The following TNFSF13B variants were observed in gnomAD, a reference collection of about 807,000 sequenced individuals.
The protein encoded by TNFSF13B is TNF superfamily member 13b, also known as tumor necrosis factor ligand superfamily member 13B.
TNFSF13B carries 8 observed loss-of-function variants against 29.1 expected under a neutral mutation model. The observed-to-expected ratio is 0.27, with a 90% CI of 0.16 to 0.50. The LOEUF (loss-of-function observed/expected upper bound fraction) is 0.50, where lower values mean the gene tolerates loss of function less well. Among genes scored for constraint, TNFSF13B ranks in the 20% least tolerant of loss-of-function variants. The probability of loss-of-function intolerance (pLI) is 0.98; values close to 1 mark genes in which losing one functional copy is unlikely to be tolerated. For synonymous variants in TNFSF13B, 125 were observed against 130.8 expected, an observed-to-expected ratio of 0.96 and a Z score of 0.30; for missense variants, 248 against 334.9, an observed-to-expected ratio of 0.74 and a Z score of 2.03.
At chr13:108,286,063 T>C (rs930306984) in intron 2 of TNFSF13B, among the ~76,000 whole-genome samples, 2 of 152,254 alleles carry the variant, frequency 1.3e-5, no homozygotes, top group Admixed American at 6.5e-5. Context: ...ACTAACTATA[T>C]GCACTTGCAT....
intron 3 of TNFSF13B, among the ~76,000 whole-genome samples, chr13:108,295,047 A>G (rs1200187187): frequency 1.4e-5 from 2 of 145,882 alleles, no homozygotes; most frequent in Non-Finnish European, 3.0e-5. Flanking sequence ...ATGGGCCATT[A>G]ATAATACCTC....
intron 2 of TNFSF13B, among the ~76,000 whole-genome samples, chr13:108,278,047 C>T (rs964318861): frequency 5.3e-5 from 8 of 152,110 alleles, no homozygotes; most frequent in South Asian, 2.1e-4. Flanking sequence ...ATTTAAAATG[C>T]TTCAAAATTA....
At chr13:108,286,457 C>T (rs1175690588) in intron 2 of TNFSF13B, among the ~76,000 whole-genome samples, 1 of 151,738 alleles carries the variant, frequency 6.6e-6, no homozygotes, top group Non-Finnish European at 1.5e-5. Context: ...TTAGAATGTT[C>T]TTATAAGGTT....
chr13:108,280,250 T>C (rs1283509089), intron 2 of TNFSF13B, among the ~76,000 whole-genome samples: 5 of 152,140 alleles, frequency 3.3e-5, no homozygotes, highest in African/African-American at 7.2e-5. Context: ...AAATCAGGAA[T>C]GTTTATAAAG....
At chr13:108,295,554 CTTTA>C (rs2139063204) in intron 3 of TNFSF13B, among the ~76,000 whole-genome samples, 1 of 144,602 alleles carries the variant, frequency 6.9e-6, no homozygotes, top group Admixed American at 6.8e-5. Context: ...ATTATCTGAT[CTTTA>C]TTATTTTCTT....
intron 2 of TNFSF13B, among the ~76,000 whole-genome samples, chr13:108,271,769 C>T (rs1880624110): frequency 6.6e-6 from 1 of 151,836 alleles, no homozygotes; most frequent in African/African-American, 2.4e-5. Flanking sequence ...TTTGTTTTGA[C>T]TTATACAATA....
At chr13:108,291,238 C>T (rs1035876357) in intron 3 of TNFSF13B, among the ~76,000 whole-genome samples, 1 of 151,162 alleles carries the variant, frequency 6.6e-6, no homozygotes, top group Non-Finnish European at 1.5e-5. Flanking sequence ...AATATAGGAA[C>T]TGTAGAATCA....
At chr13:108,303,115 C>CG (rs755304133) in intron 3 of TNFSF13B, 138 bp from the exon 4 acceptor site, 88 of 684,324 alleles carry the variant, frequency 1.3e-4, no homozygotes, top group Admixed American at 4.9e-4. Context: ...ATTCCTTTTT[C>CG]CTTTTTTTTC....
chr13:108,276,133 GC>G (rs1245628415), intron 2 of TNFSF13B, among the ~76,000 whole-genome samples: 1 of 152,142 alleles, frequency 6.6e-6, no homozygotes, highest in Non-Finnish European at 1.5e-5. Flanking sequence ...TGAGTTCCAG[GC>G]TGTAACATGA....
chr13:108,307,267 A>G lies in TNFSF13B; in HGVS notation c.*329A>G. 1 of 193,702 alleles carries G rather than the reference A, an allele frequency of 5.2e-6. No individual in the cohort carries two copies. Among genetic ancestry groups the G allele is most frequent in the Non-Finnish European group, 1.0e-5 (1 of 95,970 alleles). The allele number at this position is 193,702 out of a possible 1,614,324, so 12.0% of individuals were successfully genotyped here. A position where few individuals can be genotyped will look rare whatever the true frequency, so the allele number is the denominator to read the frequency against. ...ATCTTGGAGGAAGGACACAATTCAA[A>G]GGGGCAGTAAGGATTTTGTAAAACG... On this transcript the variant is annotated 3_prime_UTR_variant, in exon 6 of 6. Transcript: ENST00000375887.
intron 2 of TNFSF13B, among the ~76,000 whole-genome samples, chr13:108,285,243 C>T (rs965357811): frequency 6.6e-6 from 1 of 152,078 alleles, no homozygotes; most frequent in Admixed American, 6.5e-5. Flanking sequence ...CTTATGTGAC[C>T]ACACCCTTTA....
At chr13:108,300,010 G>A (rs148491565) in intron 3 of TNFSF13B, among the ~76,000 whole-genome samples, 2,046 of 152,124 alleles carry the variant, frequency 0.013, 50 homozygotes, top group African/African-American at 0.045. Flanking sequence ...TAAATTTAAT[G>A]TAAAAAATCT....
chr13:108,278,416 CAG>C (rs1880816782), intron 2 of TNFSF13B, among the ~76,000 whole-genome samples: 1 of 151,918 alleles, frequency 6.6e-6, no homozygotes, highest in South Asian at 2.1e-4. Flanking sequence ...AAATAGGAAA[CAG>C]AAATAATTCA....
intron 5 of TNFSF13B, among the ~76,000 whole-genome samples, chr13:108,304,237 T>C (rs896449964): frequency 3.3e-5 from 5 of 152,048 alleles, no homozygotes; most frequent in African/African-American, 1.2e-4. Context: ...AATGGCTTCT[T>C]TCTAAATACA....
In TNFSF13B at chr13:108,270,133, C is replaced by A. The variant is rs1476283117; in HGVS notation, c.238C>A (p.Arg80=). ...CCTGCAAGGGGACCTGGCCAGCCTC[C>A]GGGCAGAGCTGCAGGGCCACCACGC... ...AALQGDLASL[R]AELQGHHAEK... Residue 80 remains arginine (R), a synonymous_variant, in exon 1 of 6, where the codon CGG becomes AGG. Transcript: ENST00000375887. The A allele has an allele frequency of 6.2e-7, 1 of 1,602,238 alleles. No homozygotes were observed. Among genetic ancestry groups the A allele is most frequent in the Non-Finnish European group, 8.5e-7 (1 of 1,179,924 alleles).
In TNFSF13B at chr13:108,298,976, CAAACAAACAAACAAA is replaced by C. The variant is rs981003045; in HGVS notation, c.482-4261_482-4247del. Among the ~76,000 whole-genome samples the C allele has an allele frequency of 7.7e-5, 10 of 129,640 alleles. 2 individuals are homozygous for C. Among genetic ancestry groups the C allele is most frequent in the South Asian group, 2.6e-4 (1 of 3,866 alleles). 85.0% of individuals were successfully genotyped at this position (129,640 alleles called of 152,430 possible). ...CAGAGCAAGACTTGGGAAAAACAAA[CAAACAAACAAACAAA>C]AAACAAACAAACAAACAAAACATTG... is the stretch of plus-strand genomic sequence containing the variant. On this transcript the variant is annotated intron_variant, in intron 3 of 5. Coordinates refer to ENST00000375887, the MANE Select transcript of TNFSF13B (RefSeq NM_006573.5).
rs532460746 is a variant in TNFSF13B at position 108,296,897 on chromosome 13, A to G, written c.482-6356A>G. ...TGTTATTGTCACAAAATATACGCTTATACATTGTAAGCCCTTAACATAAAT... is the reference window on the plus strand; with the variant it reads ...TGTTATTGTCACAAAATATACGCTTGTACATTGTAAGCCCTTAACATAAAT... On this transcript the variant is annotated intron_variant, in intron 3 of 5. Transcript: ENST00000375887. Among the ~76,000 whole-genome samples, 163 of 145,904 alleles carry G rather than the reference A, an allele frequency of 1.1e-3. 31 individuals carry two copies. Among genetic ancestry groups the G allele is most frequent in the Non-Finnish European group, 1.2e-3 (77 of 65,482 alleles).
At chr13:108,271,369 T>A (rs1880607966) in intron 2 of TNFSF13B, among the ~76,000 whole-genome samples, 1 of 151,166 alleles carries the variant, frequency 6.6e-6, no homozygotes, top group Non-Finnish European at 1.5e-5. Context: ...ATACATGCAA[T>A]AATTTATGTA....
At chr13:108,274,411 T>C (rs1880709093) in intron 2 of TNFSF13B, among the ~76,000 whole-genome samples, 1 of 151,634 alleles carries the variant, frequency 6.6e-6, no homozygotes, top group Non-Finnish European at 1.5e-5. Flanking sequence ...TGTGCATATG[T>C]GTTATGTGTA....
Sources: gnomAD v4.1 joint callset for allele counts (sites outside exome capture counted in the v4.1 genomes callset) on GRCh38, gnomAD v4.1.1 for gene constraint, MANE v1.5 for transcripts, NCBI Gene and HGNC (gene_info 2026-07-23, HGNC 2026-07-21) for gene names.